GPHN: variants seen among roughly 807,000 people sequenced by gnomAD.
GPHN encodes gephyrin.
GPHN carries 17 observed loss-of-function variants against 95.5 expected under a neutral mutation model. The observed-to-expected ratio is 0.18, with a 90% CI of 0.12 to 0.27. The LOEUF is 0.27. GPHN is among the 10% of genes least tolerant of loss of function. The probability of loss-of-function intolerance (pLI) is 1.00; values close to 1 mark genes in which losing one functional copy is unlikely to be tolerated. For missense variants in GPHN, 660 were observed against 978.1 expected (o/e 0.67, Z 4.34); for synonymous variants, 320 against 322.5 (o/e 0.99, Z 0.08).
At chr14:66,920,658 T>C (rs1470346823) in intron 6 of GPHN, among the ~76,000 whole-genome samples, 1 of 151,784 alleles carries the variant, frequency 6.6e-6, no homozygotes, top group Non-Finnish European at 1.5e-5. Context: ...GTAAGTTCTT[T>C]AGTGGTGATT....
At chr14:66,652,917 A>G (rs77877703) in intron 1 of GPHN, among the ~76,000 whole-genome samples, 6 of 152,134 alleles carry the variant, frequency 3.9e-5, no homozygotes, top group Non-Finnish European at 8.8e-5. Flanking sequence ...CAGCTGCCCT[A>G]TATTCACAAC....
chr14:67,221,679 G>T, the GPHN span: 6 of 1,538,324 alleles, frequency 3.9e-6, no homozygotes, highest in African/African-American at 1.4e-5. Flanking sequence ...TACCCACAGA[G>T]CATTTAAAGA....
chr14:66,592,361 C>A (rs879029261), intron 1 of GPHN, among the ~76,000 whole-genome samples: 5 of 151,608 alleles, frequency 3.3e-5, no homozygotes, highest in Admixed American at 2.6e-4. Context: ...TCACAGTGAA[C>A]AGGCAGACTA....
intron 1 of GPHN, among the ~76,000 whole-genome samples, chr14:66,539,218 TCC>T (rs2059255767): frequency 6.6e-6 from 1 of 151,410 alleles, no homozygotes; most frequent in South Asian, 2.1e-4. Flanking sequence ...TTGCGGTTTG[TCC>T]CCTGTTTCTA....
intron 11 of GPHN, among the ~76,000 whole-genome samples, chr14:67,059,810 A>C (rs1015751150): frequency 1.3e-5 from 2 of 152,170 alleles, no homozygotes; most frequent in Non-Finnish European, 2.9e-5. Flanking sequence ...TCTTTGGTTC[A>C]CATTCTTTTA....
At chr14:67,368,226 C>T in the GPHN span, among the ~76,000 whole-genome samples, 3 of 152,152 alleles carry the variant, frequency 2.0e-5, no homozygotes, top group African/African-American at 7.2e-5. Context: ...TTGCAGTTGG[C>T]TAGTTTGAAT....
At chr14:66,994,004 TG>T (rs2071606545) in intron 9 of GPHN, among the ~76,000 whole-genome samples, 1 of 152,188 alleles carries the variant, frequency 6.6e-6, no homozygotes, top group Non-Finnish European at 1.5e-5. Flanking sequence ...TGAGTAATTT[TG>T]CTACTTTTCA....
chr14:66,770,574 T>C (rs2059129094), intron 2 of GPHN, among the ~76,000 whole-genome samples: 1 of 152,186 alleles, frequency 6.6e-6, no homozygotes, highest in Non-Finnish European at 1.5e-5. Flanking sequence ...ATATGTTATA[T>C]ACACATATCA....
chr14:66,915,156 A>C (rs2065844238), intron 5 of GPHN, among the ~76,000 whole-genome samples: 1 of 152,204 alleles, frequency 6.6e-6, no homozygotes, highest in South Asian at 2.1e-4. Context: ...AGGTTATTTC[A>C]GAGAATAAGA....
the GPHN span, among the ~76,000 whole-genome samples, chr14:67,284,435 A>AAAAACAAAAAAAAAAAAAAAAC: frequency 6.8e-6 from 1 of 148,120 alleles, no homozygotes; most frequent in African/African-American, 2.5e-5. Flanking sequence ...CTCTTAAAAA[A>AAAAACAAAAAAAAAAAAAAAAC]AAAAAAAAAC....
intron 4 of GPHN, among the ~76,000 whole-genome samples, chr14:66,831,963 A>C (rs1157552866): frequency 6.6e-6 from 1 of 152,108 alleles, no homozygotes; most frequent in East Asian, 1.9e-4. Flanking sequence ...CCTGGCCAAC[A>C]TGGTGAAACC....
At chr14:67,696,935 T>A in the GPHN span, among the ~76,000 whole-genome samples, 1 of 152,248 alleles carries the variant, frequency 6.6e-6, no homozygotes, top group East Asian at 1.9e-4. Flanking sequence ...ACAATACTAA[T>A]TCCTACCAAT....
the GPHN span, among the ~76,000 whole-genome samples, chr14:67,274,212 A>T: frequency 9.4e-4 from 143 of 152,186 alleles, no homozygotes; most frequent in Non-Finnish European, 1.4e-3. Context: ...CTATGTCCTG[A>T]ATGGTATTGC....
chr14:66,606,711 G>A (rs2062553281), intron 1 of GPHN, among the ~76,000 whole-genome samples: 1 of 151,968 alleles, frequency 6.6e-6, no homozygotes, highest in Non-Finnish European at 1.5e-5. Flanking sequence ...TGTATGCATA[G>A]GTTTTTGCTA....
chr14:67,350,744 T>C, the GPHN span: 1 of 1,486,456 alleles, frequency 6.7e-7, no homozygotes, highest in African/African-American at 1.4e-5. Flanking sequence ...CAAGGAAATA[T>C]TCCATCATAA....
At chr14:67,020,145 T>G (rs1228324247) in intron 9 of GPHN, among the ~76,000 whole-genome samples, 1 of 152,186 alleles carries the variant, frequency 6.6e-6, no homozygotes, top group Non-Finnish European at 1.5e-5. Flanking sequence ...CTCTTTTTGG[T>G]GTGAGATTCA....
chr14:67,521,276 A>C, the GPHN span, among the ~76,000 whole-genome samples: 1 of 152,268 alleles, frequency 6.6e-6, no homozygotes, highest in Non-Finnish European at 1.5e-5. Context: ...GCTGTGAGCT[A>C]TGCTCAGGAA....
intron 4 of GPHN, among the ~76,000 whole-genome samples, chr14:66,833,707 AC>A (rs2061675277): frequency 2.0e-5 from 3 of 151,968 alleles, no homozygotes; most frequent in Admixed American, 2.0e-4. Flanking sequence ...AAACCTAGTA[AC>A]TATCCATTTA....
In GPHN at chr14:66,985,959, A is replaced by G. The variant is rs138083793; in HGVS notation, c.963+20634A>G. On this transcript the variant is annotated intron_variant, in intron 9 of 22. Transcript: ENST00000478722. ...CAAGCTGCCAAATAACTAGCTTTGA[A>G]TGGCACCACAAACAACAGAAAGGGC... Among the ~76,000 whole-genome samples, 1,112 of 152,200 alleles carry G rather than the reference A, an allele frequency of 7.3e-3. 5 individuals carry two copies. The highest frequency in any genetic ancestry group is 0.018 in the South Asian group (85 of 4,814).
Sources: allele counts gnomAD v4.1 joint callset (sites outside exome capture counted in the v4.1 genomes callset), GRCh38; gene constraint gnomAD v4.1.1; transcripts MANE v1.5; gene names NCBI Gene and HGNC (gene_info 2026-07-23, HGNC 2026-07-21).